The following UBAP1 variants were observed in gnomAD, a reference collection of about 807,000 sequenced individuals.
The protein encoded by UBAP1 is ubiquitin associated protein 1.
In UBAP1, 5 loss-of-function variants were observed where a neutral mutation model predicts 39.0. The observed-to-expected ratio is 0.13, with a 90% CI of 0.07 to 0.27. The LOEUF (loss-of-function observed/expected upper bound fraction) is 0.27, where lower values mean the gene tolerates loss of function less well. Among genes scored for constraint, UBAP1 ranks in the 10% least tolerant of loss-of-function variants. The probability of loss-of-function intolerance (pLI) is 1.00; values close to 1 mark genes in which losing one functional copy is unlikely to be tolerated. For synonymous variants in UBAP1, 211 were observed against 225.1 expected (o/e 0.94, Z 0.56); for missense variants, 490 against 608.1 (o/e 0.81, Z 2.04).
intron 1 of UBAP1, chr9:34,191,734 C>A: frequency 6.4e-6 from 1 of 156,148 alleles, no homozygotes. Flanking sequence ...CACAGTGACT[C>A]CTGGTGGCAA....
chr9:34,194,820 A>G (rs902804868), intron 1 of UBAP1, among the ~76,000 whole-genome samples: 2 of 152,128 alleles, frequency 1.3e-5, no homozygotes, highest in Admixed American at 1.3e-4. Flanking sequence ...TTTTTCAGCC[A>G]GTCAAATTTA....
chr9:34,197,446 G>C (rs1308450644), intron 1 of UBAP1, among the ~76,000 whole-genome samples: 1 of 152,034 alleles, frequency 6.6e-6, no homozygotes, highest in Non-Finnish European at 1.5e-5. Context: ...CTGGCCAAGA[G>C]GATTATTCTG....
chr9:34,247,793 T>C (rs1834255540), intron 4 of UBAP1, among the ~76,000 whole-genome samples: 1 of 152,210 alleles, frequency 6.6e-6, no homozygotes, highest in African/African-American at 2.4e-5. Flanking sequence ...CCTAACACCC[T>C]GTGCTGGATA....
chr9:34,190,832 G>A (rs1328998563), intron 1 of UBAP1, among the ~76,000 whole-genome samples: 4 of 134,286 alleles, frequency 3.0e-5, no homozygotes, highest in Non-Finnish European at 6.3e-5. Flanking sequence ...ATTTTTTGTA[G>A]AGATGGGGTT....
intron 1 of UBAP1, among the ~76,000 whole-genome samples, chr9:34,183,344 C>A (rs1830194951): frequency 6.6e-6 from 1 of 151,052 alleles, no homozygotes; most frequent in Admixed American, 6.6e-5. Context: ...GAGATTGAGA[C>A]CATCCTGGCT....
intron 1 of UBAP1, among the ~76,000 whole-genome samples, chr9:34,183,107 T>C (rs1468502204): frequency 6.6e-6 from 1 of 152,150 alleles, no homozygotes; most frequent in Non-Finnish European, 1.5e-5. Flanking sequence ...ATTGAATGTA[T>C]TGAAATTTTT....
At position 34,251,462 on chromosome 9, in the gene UBAP1, T is replaced by C. The variant is rs1405771873; in HGVS notation, c.1439T>C (p.Val480Ala). 6.2e-7 allele frequency: 1 copy of C among 1,614,000 alleles called. No homozygotes were observed. The highest frequency in any genetic ancestry group is 1.3e-5 in the African/African-American group (1 of 74,894). Residue 480 changes from valine to alanine, a missense_variant, in exon 7 of 7, where the codon GTT (valine) becomes GCT (alanine). By Grantham distance (64) the Val-to-Ala change is moderately conservative. Transcript: ENST00000297661. Reference sequence around the variant, plus strand: ...TTTGAGCTGAAAGACATTAAGGAAGTTTTGCTATTACACAACAATGACCAG... The same window carrying C: ...TTTGAGCTGAAAGACATTAAGGAAGCTTTGCTATTACACAACAATGACCAG... Reference protein sequence around the residue: ...MGFELKDIKEVLLLHNNDQDN... With the variant: ...MGFELKDIKEALLLHNNDQDN...
In UBAP1 at chr9:34,226,105, T is replaced by TTGTGTG. The variant is rs74180553; in HGVS notation, c.34+5204_34+5209dup. Among the ~76,000 whole-genome samples the TTGTGTG allele has an allele frequency of 5.3e-3, 467 of 88,264 alleles. 7 individuals carry two copies. Among genetic ancestry groups the TTGTGTG allele is most frequent in the African/African-American group, 0.019 (417 of 22,166 alleles). The allele number at this position is 88,264 out of a possible 152,430, so 57.9% of individuals were successfully genotyped here. A position where few individuals can be genotyped will look rare whatever the true frequency, so the allele number is the denominator to read the frequency against. Reference sequence around the variant, plus strand: ...CCTTCTAAAGTTTCCTCCTACTCTATTGTGTGTGTGTGTGTGTGTGTGTGT... The same window carrying TTGTGTG: ...CCTTCTAAAGTTTCCTCCTACTCTATTGTGTGTGTGTGTGTGTGTGTGTGTGTGTGT... On this transcript the variant is annotated intron_variant, in intron 2 of 6. Coordinates refer to ENST00000297661, the MANE Select transcript of UBAP1 (RefSeq NM_016525.5).
chr9:34,251,241 C>T (rs940519778), intron 6 of UBAP1, 151 bp from the exon 7 acceptor site: 6 of 812,152 alleles, frequency 7.4e-6, no homozygotes, highest in East Asian at 2.6e-5. Context: ...CCTCTGCTTG[C>T]TAGGGGACCT....
At chr9:34,226,434 G>A (rs1226442592) in intron 2 of UBAP1, among the ~76,000 whole-genome samples, 2 of 151,922 alleles carry the variant, frequency 1.3e-5, no homozygotes, top group Admixed American at 6.6e-5. Context: ...ACAGGGTTTC[G>A]CCATGTTGGC....
chr9:34,217,516 G>A (rs528976753), intron 1 of UBAP1, among the ~76,000 whole-genome samples: 19 of 152,038 alleles, frequency 1.2e-4, no homozygotes, highest in Admixed American at 7.2e-4. Flanking sequence ...GATTACAGTC[G>A]TGAGCCACCG....
At position 34,239,055 on chromosome 9, in the gene UBAP1, CTT is replaced by C. The variant is rs531870961; in HGVS notation, c.160-2124_160-2123del. Among the ~76,000 whole-genome samples, 14 of 152,240 alleles carry C rather than the reference CTT, an allele frequency of 9.2e-5. No homozygotes were observed. In the East Asian group the frequency reaches 2.7e-3, roughly 29 times the overall value. On this transcript the variant is annotated intron_variant, in intron 3 of 6. Coordinates refer to ENST00000297661, the MANE Select transcript of UBAP1 (RefSeq NM_016525.5). ...TTTGTTCTCTAATGCACAAAGCAAT[CTT>C]TTTTTGAGATGGAGTCTTGCTCTTT...
At chr9:34,240,092 A>G (rs1471984957) in intron 3 of UBAP1, among the ~76,000 whole-genome samples, 6 of 152,176 alleles carry the variant, frequency 3.9e-5, no homozygotes, top group East Asian at 1.9e-4. Context: ...AGGGGAACCA[A>G]TTGCAAAATT....
intron 2 of UBAP1, among the ~76,000 whole-genome samples, chr9:34,225,894 GA>G (rs1563910877): frequency 6.6e-6 from 1 of 151,768 alleles, no homozygotes; most frequent in Non-Finnish European, 1.5e-5. Flanking sequence ...TCTAATTTAT[GA>G]AAAAATAGAC....
chr9:34,180,795 CT>C (rs11285458), intron 1 of UBAP1, among the ~76,000 whole-genome samples: 50,369 of 144,052 alleles, frequency 0.35, 8,996 homozygotes, highest in East Asian at 0.73. Flanking sequence ...GGAAAAAAAA[CT>C]TTTTTTTTTT....
At chr9:34,195,272 A>T (rs1008437221) in intron 1 of UBAP1, among the ~76,000 whole-genome samples, 7 of 151,820 alleles carry the variant, frequency 4.6e-5, no homozygotes, top group Admixed American at 2.6e-4. Context: ...GGTCAGAAAG[A>T]TGTTCTCTTC....
chr9:34,248,041 GA>G (rs1010368446), intron 4 of UBAP1, among the ~76,000 whole-genome samples: 3 of 145,486 alleles, frequency 2.1e-5, no homozygotes, highest in African/African-American at 7.4e-5. Flanking sequence ...AAATAGATAC[GA>G]TTTTTTTTTT....
At chr9:34,246,230 C>G (rs1329566668) in intron 4 of UBAP1, among the ~76,000 whole-genome samples, 5 of 152,146 alleles carry the variant, frequency 3.3e-5, no homozygotes, top group Non-Finnish European at 7.3e-5. Flanking sequence ...CCACACCTGG[C>G]TAACTTTTTG....
chr9:34,236,622 G>A lies in UBAP1; in HGVS notation c.159+2282G>A, dbSNP rs184976518. On this transcript the variant is annotated intron_variant, in intron 3 of 6. Transcript: ENST00000297661. ...CACCTCTTTCCCTTTCTCTGCTAAT[G>A]TCCTCATTCTCTTTTCAGTCACTCA... Among the ~76,000 whole-genome samples, 204 of 151,992 alleles carry A rather than the reference G, an allele frequency of 1.3e-3. 1 individual carries two copies. The highest frequency in any genetic ancestry group is 1.9e-4 in the Non-Finnish European group (13 of 68,000).
Sources: gnomAD v4.1 joint callset for allele counts (sites outside exome capture counted in the v4.1 genomes callset) on GRCh38, gnomAD v4.1.1 for gene constraint, MANE v1.5 for transcripts, NCBI Gene and HGNC (gene_info 2026-07-23, HGNC 2026-07-21) for gene names.